DNMT1: variants seen among roughly 807,000 people sequenced by gnomAD.
DNMT1 encodes the protein DNA methyltransferase 1, also known as DNA (cytosine-5)-methyltransferase 1.
In DNMT1, 24 loss-of-function variants were observed where a neutral mutation model predicts 205.3. The observed-to-expected ratio is 0.12, with a 90% CI of 0.08 to 0.16. The LOEUF is 0.16. Among genes scored for constraint, DNMT1 ranks in the 10% least tolerant of loss-of-function variants. The pLI is 1.00. For missense variants in DNMT1, 1,293 were observed against 2,177.7 expected (o/e 0.59, Z 8.09); for synonymous variants, 817 against 839.8 (o/e 0.97, Z 0.47).
intron 10 of DNMT1, 128 bp downstream of exon 10, chr19:10,168,202 G>A: frequency 9.6e-7 from 1 of 1,044,716 alleles, no homozygotes; most frequent in Non-Finnish European, 1.5e-6. Context: ...TTCACAAGCA[G>A]AACTTGCCCA....
chr19:10,137,216 C>T lies in DNMT1; in HGVS notation c.4358G>A (p.Arg1453His). 6.2e-7 allele frequency: 1 copy of T among 1,611,020 alleles called. No individual in the cohort carries two copies. Among genetic ancestry groups the T allele is most frequent in the Non-Finnish European group, 8.5e-7 (1 of 1,179,330 alleles). The change falls in exon 37 of 41, where the codon CGC becomes CAC. Residue 1453 changes from arginine (R) to histidine (H), a missense_variant. Physicochemically the swap from Arg to His is conservative, Grantham distance 29 (BLOSUM62 0). Around this residue, in one of 13 missense-constraint regions of DNMT1, gnomAD observed 148 missense variants for 256.1 expected, o/e 0.58. Transcript: ENST00000359526. This position sits in a 1 kb window ranked among gnomAD's most constrained non-coding sequence, Gnocchi z 6.4. ...HIPLAPGSDW[R>H]DLPNIEVRLS... Reference sequence around the variant, plus strand: ...CCGCACCTCGATGTTGGGCAGATCGCGCCAGTCTGACCCTGGGGCCAAGGG... The same window carrying T: ...CCGCACCTCGATGTTGGGCAGATCGTGCCAGTCTGACCCTGGGGCCAAGGG...
chr19:10,156,779 G>A lies in DNMT1; in HGVS notation c.1281-270C>T, dbSNP rs1335401062. 2.0e-5 allele frequency among the ~76,000 whole-genome samples: 3 copies of A among 151,966 alleles called. No homozygotes were observed. The highest frequency in any genetic ancestry group is 2.0e-4 in the Admixed American group (3 of 15,238). The stretch of plus-strand genomic sequence containing the variant: ...ATTACAGGCCTGAACCACCATGCCC[G>A]GCTAATTGTTGTATTTTTAGTAGGG... On this transcript the variant is annotated intron_variant, in intron 17 of 40. Transcript: ENST00000359526. This position sits in a 1 kb window ranked among gnomAD's most constrained non-coding sequence, Gnocchi z 4.2.
intron 9 of DNMT1, among the ~76,000 whole-genome samples, chr19:10,168,944 TCTC>T (rs896495792): frequency 2.4e-4 from 37 of 152,100 alleles, no homozygotes; most frequent in African/African-American, 8.5e-4. Context: ...TTCAAACAAT[TCTC>T]CTGCTTCAGC....
At chr19:10,183,625 G>A (rs1215552129) in intron 1 of DNMT1, among the ~76,000 whole-genome samples, 1 of 151,676 alleles carries the variant, frequency 6.6e-6, no homozygotes, top group African/African-American at 2.4e-5. Context: ...CAGCAGTTGG[G>A]TGGATTACCT....
Position 10,136,259 on chromosome 19 carries a change from C to T in DNMT1, c.4518G>A (p.Arg1506=), listed in dbSNP as rs138420591. ...ACCAGGGGATGAGGGTGTTGAACTG[C>T]CTGGCTGCGGGGTCGCAGGCTTTGC... ...EAGKACDPAA[R]QFNTLIPWCL... is the part of the protein sequence containing the mutation. The change falls in exon 38 of 41, where the codon AGG becomes AGA. Residue 1506 remains arginine, a synonymous_variant. Transcript: ENST00000359526. 1.2e-6 allele frequency: 2 copies of T among 1,614,124 alleles called. No individual in the cohort carries two copies. Among genetic ancestry groups the T allele is most frequent in the Non-Finnish European group, 1.7e-6 (2 of 1,180,036 alleles).
At position 10,159,141 on chromosome 19, in the gene DNMT1, G is replaced by A. The variant is rs1325939925; in HGVS notation, c.1280+517C>T. 6.6e-6 allele frequency among the ~76,000 whole-genome samples: 1 copy of A among 152,130 alleles called. No individual in the cohort carries two copies. Among genetic ancestry groups the A allele is most frequent in the Non-Finnish European group, 1.5e-5 (1 of 68,026 alleles). Reference sequence around the variant, plus strand: ...TGACCCTCAGGATGTGGGCAGAATGGAGGGGTAATATGTGTAGTGTAAAAA... The same window carrying A: ...TGACCCTCAGGATGTGGGCAGAATGAAGGGGTAATATGTGTAGTGTAAAAA... On this transcript the variant is annotated intron_variant, in intron 17 of 40. Transcript: ENST00000359526. The surrounding 1 kb of genome is among the most constrained non-coding windows in gnomAD (Gnocchi z 5.0).
chr19:10,149,828 G>A, intron 25 of DNMT1, 25 bp downstream of exon 25: 1 of 1,612,718 alleles, frequency 6.2e-7, no homozygotes, highest in Non-Finnish European at 8.5e-7. Context: ...GCATGCAGAA[G>A]TCAAGCAAAA....
chr19:10,144,495 G>C (rs1349884641), intron 28 of DNMT1: 1 of 203,036 alleles, frequency 4.9e-6, no homozygotes, highest in Non-Finnish European at 1.0e-5. Flanking sequence ...TGGCTACGGT[G>C]GTGGCTGACA....
In DNMT1 at chr19:10,189,932, C is replaced by T. The variant is rs75730152; in HGVS notation, c.80+4888G>A. Among the ~76,000 whole-genome samples, 884 of 152,152 alleles carry T rather than the reference C, an allele frequency of 5.8e-3. 17 individuals are homozygous for T. Among genetic ancestry groups the T allele is most frequent in the East Asian group, 0.034 (174 of 5,178 alleles). On this transcript the variant is annotated intron_variant, in intron 1 of 40. Transcript: ENST00000359526. ...AGCTCAGTCTTCCTAACACCCCTGT[C>T]GAGCAGGCAGCCCCACCCCCTTTTT...
At chr19:10,166,051 G>A (rs968722133) in intron 11 of DNMT1, among the ~76,000 whole-genome samples, 3 of 152,108 alleles carry the variant, frequency 2.0e-5, no homozygotes, top group Admixed American at 1.3e-4. Flanking sequence ...GCCCCCCACC[G>A]ATGACCTAGC....
Position 10,151,704 on chromosome 19 carries a change from A to G in DNMT1, c.2117+46T>C. The G allele has an allele frequency of 6.2e-7, 1 of 1,610,048 alleles. No homozygotes were observed. The highest frequency in any genetic ancestry group is 8.5e-7 in the Non-Finnish European group (1 of 1,176,404). ...CCTTCTCCACAGTGCATCTGCCACC[A>G]GCTGGCAAGTCCTCTGCCACAGGAG... On this transcript the variant is annotated intron_variant, in intron 23 of 40. Transcript: ENST00000359526. This position sits in a 1 kb window ranked among gnomAD's most constrained non-coding sequence, Gnocchi z 5.0.
chr19:10,179,898 G>A (rs1036110014), intron 5 of DNMT1: 1 of 179,764 alleles, frequency 5.6e-6, no homozygotes, highest in Non-Finnish European at 1.2e-5. Context: ...GCTGAGGCAG[G>A]AGAATCGCTT....
chr19:10,190,424 T>C (rs2039277164), intron 1 of DNMT1, among the ~76,000 whole-genome samples: 1 of 152,076 alleles, frequency 6.6e-6, no homozygotes, highest in African/African-American at 2.4e-5. Flanking sequence ...TTCAACACTC[T>C]TTATTGTGGA....
intron 34 of DNMT1, among the ~76,000 whole-genome samples, chr19:10,139,165 C>G (rs1286191222): frequency 1.3e-5 from 2 of 152,226 alleles, no homozygotes; most frequent in Non-Finnish European, 2.9e-5. Flanking sequence ...GGCCTGGGCC[C>G]CACAGACTAT....
intron 39 of DNMT1, 124 bp downstream of exon 39, chr19:10,135,612 G>A (rs766343110): frequency 1.3e-5 from 13 of 1,006,880 alleles, no homozygotes; most frequent in Admixed American, 8.0e-5. Flanking sequence ...CACTGAGAGT[G>A]ATGGGGCTAC....
rs1276678474 is a variant in DNMT1, at chr19:10,138,699, G to C, written c.3949-94C>G. 3 of 1,495,198 alleles carry C rather than the reference G, an allele frequency of 2.0e-6. No individual in the cohort carries two copies. Among genetic ancestry groups the C allele is most frequent in the Admixed American group, 2.0e-5 (1 of 49,858 alleles). 92.6% of individuals were successfully genotyped at this position (1,495,198 alleles called of 1,614,324 possible). ...GCCCAGGGTCAGCAGCCTGAGTCGGGAGTGGCTGGCCAATGCGGAGTGCAC... is the reference window on the plus strand; with the variant it reads ...GCCCAGGGTCAGCAGCCTGAGTCGGCAGTGGCTGGCCAATGCGGAGTGCAC... On this transcript the variant is annotated intron_variant, in intron 34 of 40. Coordinates refer to ENST00000359526, the MANE Select transcript of DNMT1 (RefSeq NM_001130823.3). The surrounding 1 kb of genome is among the most constrained non-coding windows in gnomAD (Gnocchi z 4.1).
intron 10 of DNMT1, among the ~76,000 whole-genome samples, chr19:10,167,964 AAT>A (rs1381177424): frequency 1.3e-5 from 2 of 151,992 alleles, no homozygotes; most frequent in Non-Finnish European, 2.9e-5. Context: ...CTCTACTAAA[AAT>A]ACGAAAATTA....
In DNMT1 at chr19:10,149,814, A is replaced by G. The variant is rs767705803; in HGVS notation, c.2381+39T>C. The G allele has an allele frequency of 4.3e-6, 7 of 1,610,796 alleles. No homozygotes were observed. The South Asian group carries it at 5.5e-5, about 13-fold the overall frequency. On this transcript the variant is annotated intron_variant, in intron 25 of 40. Coordinates refer to ENST00000359526, the MANE Select transcript of DNMT1 (RefSeq NM_001130823.3). ...AACAGGCATCTCCTACTTGATGAGA[A>G]AGTGCATGCAGAAGTCAAGCAAAAA...
chr19:10,166,164 C>T (rs954827275), intron 11 of DNMT1, among the ~76,000 whole-genome samples: 5 of 152,106 alleles, frequency 3.3e-5, no homozygotes, highest in African/African-American at 1.2e-4. Context: ...AGGGTTTAAA[C>T]GCATGCACTT....
Sources: gnomAD v4.1 joint callset for allele counts (sites outside exome capture counted in the v4.1 genomes callset) on GRCh38, gnomAD v4.1.1 for gene constraint, gnomAD v4.1.1 regional missense constraint, Gnocchi (gnomAD v3.1) non-coding constraint, MANE v1.5 for transcripts, NCBI Gene and HGNC (gene_info 2026-07-23, HGNC 2026-07-21) for gene names.